The following SLC41A2 variants were observed in gnomAD, a reference collection of about 807,000 sequenced individuals.
The protein encoded by SLC41A2 is solute carrier family 41 member 2, also known as SLC41A1-like 1.
A neutral mutation model predicts 58.3 loss-of-function variants in SLC41A2; 32 were observed. The ratio of observed to expected loss-of-function variants is 0.55; its 90% CI spans 0.41 to 0.74. The LOEUF (loss-of-function observed/expected upper bound fraction) is 0.74. Among genes scored for constraint, SLC41A2 ranks in the 30% least tolerant of loss-of-function variants. The probability of loss-of-function intolerance (pLI) is 0.00; values close to 1 mark genes in which losing one functional copy is unlikely to be tolerated. For synonymous variants in SLC41A2, 190 were observed against 235.0 expected (o/e 0.81, Z 1.75); for missense variants, 514 against 680.6 (o/e 0.76, Z 2.72).
At chr12:104,834,900 C>T (rs2042155297) in intron 10 of SLC41A2, among the ~76,000 whole-genome samples, 1 of 151,990 alleles carries the variant, frequency 6.6e-6, no homozygotes, top group African/African-American at 2.4e-5. Flanking sequence ...ATGTTGTTAC[C>T]ATATGGCTAC....
intron 1 of SLC41A2, among the ~76,000 whole-genome samples, chr12:104,955,568 G>A (rs980577184): frequency 1.1e-4 from 17 of 152,278 alleles, no homozygotes; most frequent in African/African-American, 4.1e-4. Context: ...ATTGAGCCTA[G>A]TCTTCCTCCC....
chr12:104,896,298 G>A (rs2045277735), intron 3 of SLC41A2, among the ~76,000 whole-genome samples: 1 of 152,150 alleles, frequency 6.6e-6, no homozygotes, highest in Admixed American at 6.5e-5. Flanking sequence ...TAATCTCACT[G>A]TGGACTTTAG....
intron 2 of SLC41A2, among the ~76,000 whole-genome samples, chr12:104,918,000 A>T (rs1181337092): frequency 6.8e-6 from 1 of 147,812 alleles, no homozygotes; most frequent in Non-Finnish European, 1.5e-5. Flanking sequence ...ATATATATAA[A>T]ATATATATAT....
chr12:104,910,496 T>TA, intron 2 of SLC41A2, among the ~76,000 whole-genome samples: 1 of 152,202 alleles, frequency 6.6e-6, no homozygotes, highest in East Asian at 1.9e-4. Flanking sequence ...ATACCATGTA[T>TA]AAATGAAAAA....
At chr12:104,866,021 C>A (rs911591102) in intron 7 of SLC41A2, among the ~76,000 whole-genome samples, 1 of 152,036 alleles carries the variant, frequency 6.6e-6, no homozygotes, top group Admixed American at 6.6e-5. Context: ...ATGGAAGTAG[C>A]CAATGGAATA....
rs112563684 is a variant in SLC41A2, at chr12:104,946,932, C to T, written c.-168+11156G>A. Among the ~76,000 whole-genome samples, 452 of 152,284 alleles carry T rather than the reference C, an allele frequency of 3.0e-3. 3 individuals are homozygous for T. Among genetic ancestry groups the T allele is most frequent in the African/African-American group, 0.01 (419 of 41,556 alleles). On this transcript the variant is annotated intron_variant, in intron 1 of 10. Transcript: ENST00000258538. Reference sequence around the variant, plus strand: ...AACTGTGGGACCTATGCCTCTATACCTCAGTTTTCTCATGTAAATACATCT... The same window carrying T: ...AACTGTGGGACCTATGCCTCTATACTTCAGTTTTCTCATGTAAATACATCT...
chr12:104,924,799 AATAG>A (rs1228576551), intron 2 of SLC41A2, among the ~76,000 whole-genome samples: 3 of 152,192 alleles, frequency 2.0e-5, no homozygotes, highest in African/African-American at 4.8e-5. Context: ...TTCATAGCAG[AATAG>A]ATAAATTGTG....
chr12:104,811,696 A>C (rs2041180320), intron 10 of SLC41A2, among the ~76,000 whole-genome samples: 1 of 152,224 alleles, frequency 6.6e-6, no homozygotes, highest in Non-Finnish European at 1.5e-5. Flanking sequence ...TATATTTCAT[A>C]ATTTTAAAAA....
intron 10 of SLC41A2, among the ~76,000 whole-genome samples, chr12:104,839,375 T>C (rs2042324503): frequency 6.6e-6 from 1 of 152,138 alleles, no homozygotes; most frequent in Non-Finnish European, 1.5e-5. Context: ...AAAGGGGTTA[T>C]TGTTGTTTTT....
chr12:104,814,378 G>A (rs2041303341), intron 10 of SLC41A2, among the ~76,000 whole-genome samples: 1 of 152,118 alleles, frequency 6.6e-6, no homozygotes, highest in African/African-American at 2.4e-5. Context: ...GAGCAAGATT[G>A]TGTCTCACAA....
intron 6 of SLC41A2, among the ~76,000 whole-genome samples, chr12:104,878,840 G>A (rs1201086141): frequency 3.3e-5 from 5 of 152,118 alleles, no homozygotes; most frequent in South Asian, 2.1e-4. Context: ...TAATGGGATC[G>A]CTGGGTCAAA....
At chr12:104,884,827 CA>C (rs1181844257) in intron 6 of SLC41A2, among the ~76,000 whole-genome samples, 15 of 152,270 alleles carry the variant, frequency 9.9e-5, no homozygotes, top group African/African-American at 3.6e-4. Context: ...ACAAGTTATC[CA>C]ACTGTCTGGC....
chr12:104,882,108 G>C (rs947630420), intron 6 of SLC41A2, among the ~76,000 whole-genome samples: 1 of 151,722 alleles, frequency 6.6e-6, no homozygotes, highest in Non-Finnish European at 1.5e-5. Context: ...TTGGTTTAAA[G>C]TCTGTTTTAT....
chr12:104,908,401 G>T (rs994550485), intron 3 of SLC41A2, among the ~76,000 whole-genome samples: 1 of 152,214 alleles, frequency 6.6e-6, no homozygotes, highest in African/African-American at 2.4e-5. Flanking sequence ...GAGGAGAAGT[G>T]GGACAGAGGG....
Position 104,930,331 on chromosome 12 carries a change from C to T in SLC41A2, c.-167-1637G>A, listed in dbSNP as rs143622433. 4.9e-4 allele frequency among the ~76,000 whole-genome samples: 75 copies of T among 152,152 alleles called. No homozygotes were observed. In the East Asian group the frequency reaches 0.01, roughly 20 times the overall value. Reference sequence around the variant, plus strand: ...TGGCCAGAGTGAAGCAGAGATAAAACGATGTAGTCCCCGAAAGAGAGAAAA... The same window carrying T: ...TGGCCAGAGTGAAGCAGAGATAAAATGATGTAGTCCCCGAAAGAGAGAAAA... On this transcript the variant is annotated intron_variant, in intron 1 of 10. Coordinates refer to ENST00000258538, the MANE Select transcript of SLC41A2 (RefSeq NM_001352171.3).
intron 5 of SLC41A2, among the ~76,000 whole-genome samples, chr12:104,887,573 T>A (rs71468235): frequency 0.015 from 2,302 of 151,928 alleles, 18 homozygotes; most frequent in Non-Finnish European, 0.024. Context: ...GAAAACTTTT[T>A]AAAAAAAATA....
chr12:104,886,160 T>C (rs2044649423), intron 6 of SLC41A2, 133 bp downstream of exon 6: 1 of 871,646 alleles, frequency 1.1e-6, no homozygotes, highest in Non-Finnish European at 1.7e-6. Context: ...AAACAAATGA[T>C]AGTTATCCTA....
intron 10 of SLC41A2, among the ~76,000 whole-genome samples, chr12:104,839,513 T>C (rs1481662360): frequency 6.6e-6 from 1 of 150,826 alleles, no homozygotes; most frequent in Non-Finnish European, 1.5e-5. Context: ...TTTTTTTTCT[T>C]TTTTTTTTGA....
rs779736222 is a variant in SLC41A2, at chr12:104,928,071, T to C, written c.457A>G (p.Lys153Glu). 4 of 1,614,172 alleles carry C rather than the reference T, an allele frequency of 2.5e-6. No homozygotes were observed. The South Asian group carries it at 3.3e-5, about 13-fold the overall frequency. ...AATGCCATGATGCCACTGGATTCCT[T>C]TGGTAATTTTGGGGTCACTTCTACA... is the stretch of plus-strand genomic sequence containing the variant. ...AIVEVTPKLP[K>E]ESSGIMALQI... Residue 153 changes from lysine to glutamate, a missense_variant, in exon 2 of 11, where the codon AAG (lysine) becomes GAG (glutamate). By Grantham distance (56) the Lys-to-Glu change is moderately conservative (BLOSUM62 1). Around this residue, in one of 3 missense-constraint regions of SLC41A2, gnomAD observed 336 missense variants for 430.0 expected, o/e 0.78. Coordinates refer to ENST00000258538, the MANE Select transcript of SLC41A2 (RefSeq NM_001352171.3).
Sources: allele counts gnomAD v4.1 joint callset (sites outside exome capture counted in the v4.1 genomes callset), GRCh38; gene constraint gnomAD v4.1.1; regional missense constraint gnomAD v4.1.1; transcripts MANE v1.5; gene names NCBI Gene and HGNC (gene_info 2026-07-23, HGNC 2026-07-21).